Variants in SFMBT2 observed in about 807,000 individuals in gnomAD.
The protein encoded by SFMBT2 is scm-like with four MBT domains protein 2.
SFMBT2 carries 38 observed loss-of-function variants against 110.1 expected under a neutral mutation model. The ratio of observed to expected loss-of-function variants is 0.35; its 90% CI spans 0.27 to 0.45. SFMBT2 has a LOEUF of 0.45. Among genes scored for constraint, SFMBT2 ranks in the 20% least tolerant of loss-of-function variants. SFMBT2 has a pLI of 1.00. For missense variants in SFMBT2, 1,011 were observed against 1,094.9 expected (o/e 0.92, Z 1.08); for synonymous variants, 425 against 425.4 (o/e 1.00, Z 0.01).
At chr10:7,368,383 C>T (rs1844969322) in intron 3 of SFMBT2, 1 of 985,054 alleles carries the variant, frequency 1.0e-6, no homozygotes, top group Admixed American at 6.2e-5. Context: ...TTGATATCTA[C>T]CAGCCCTCAA....
chr10:7,266,492 C>A (rs1407996125), intron 7 of SFMBT2, among the ~76,000 whole-genome samples: 7 of 152,148 alleles, frequency 4.6e-5, no homozygotes, highest in Admixed American at 1.3e-4. Flanking sequence ...TATACAAAGG[C>A]CTTAGGCAGG....
At chr10:7,406,491 G>C (rs1846212390) in intron 1 of SFMBT2, among the ~76,000 whole-genome samples, 2 of 148,284 alleles carry the variant, frequency 1.3e-5, no homozygotes, top group South Asian at 4.2e-4. Flanking sequence ...AGCCACCTTA[G>C]CTAGAGTGGG....
At chr10:7,214,938 G>A (rs1185023915) in intron 11 of SFMBT2, among the ~76,000 whole-genome samples, 1 of 152,230 alleles carries the variant, frequency 6.6e-6, no homozygotes, top group African/African-American at 2.4e-5. Context: ...AACTGAAAGA[G>A]CTAAATAACT....
chr10:7,202,805 C>T (rs963735755), intron 12 of SFMBT2: 6 of 985,318 alleles, frequency 6.1e-6, no homozygotes, highest in Non-Finnish European at 7.2e-6. Context: ...AAAGAGTACA[C>T]CTGTTGTACC....
intron 16 of SFMBT2, among the ~76,000 whole-genome samples, chr10:7,181,600 G>A (rs1026622263): frequency 6.6e-6 from 1 of 152,144 alleles, no homozygotes; most frequent in African/African-American, 2.4e-5. Context: ...ATACCAAGCT[G>A]ACTCTACAGC....
intron 4 of SFMBT2, among the ~76,000 whole-genome samples, chr10:7,338,030 C>G (rs564059431): frequency 6.6e-6 from 1 of 152,350 alleles, no homozygotes; most frequent in African/African-American, 2.4e-5. Context: ...TCTCCACTAT[C>G]CATGCTAACC....
intron 4 of SFMBT2, among the ~76,000 whole-genome samples, chr10:7,363,364 T>C (rs1238268157): frequency 6.6e-6 from 1 of 152,110 alleles, no homozygotes; most frequent in Non-Finnish European, 1.5e-5. Flanking sequence ...CTTTTTTTTT[T>C]TTTAGATGGA....
At position 7,288,799 on chromosome 10, in the gene SFMBT2, G is replaced by A. The variant is rs540138366; in HGVS notation, c.437-2845C>T. 3.9e-5 allele frequency among the ~76,000 whole-genome samples: 6 copies of A among 152,146 alleles called. No homozygotes were observed. The East Asian group carries it at 9.7e-4, about 24-fold the overall frequency. On this transcript the variant is annotated intron_variant, in intron 4 of 20. Coordinates refer to ENST00000397167, the MANE Select transcript of SFMBT2 (RefSeq NM_001387889.1). ...CAATCCCAGCACTTTGGGAGGCCAA[G>A]GCGGGTGGATCACAAGGTCAGGAGT...
chr10:7,213,589 C>T (rs748515733), intron 11 of SFMBT2, among the ~76,000 whole-genome samples: 4 of 152,214 alleles, frequency 2.6e-5, no homozygotes, highest in East Asian at 1.9e-4. Context: ...AGAGCAGAGA[C>T]GGGTTCTGAC....
At chr10:7,346,165 C>T (rs574014220) in intron 4 of SFMBT2, among the ~76,000 whole-genome samples, 1 of 152,336 alleles carries the variant, frequency 6.6e-6, no homozygotes, top group African/African-American at 2.4e-5. Context: ...ATAATACACA[C>T]TGTATAATTT....
At chr10:7,200,340 A>G in intron 14 of SFMBT2, 74 bp downstream of exon 14, 1 of 1,189,314 alleles carries the variant, frequency 8.4e-7, no homozygotes, top group Non-Finnish European at 1.1e-6. Context: ...ATATCGACCT[A>G]GAAACCTATA....
At chr10:7,321,335 G>A (rs1016332469) in intron 4 of SFMBT2, among the ~76,000 whole-genome samples, 2 of 151,854 alleles carry the variant, frequency 1.3e-5, no homozygotes, top group African/African-American at 4.8e-5. Context: ...CTGAGTAGCT[G>A]GGACTACAGG....
chr10:7,277,843 G>C (rs1466875965), intron 6 of SFMBT2, among the ~76,000 whole-genome samples: 1 of 152,194 alleles, frequency 6.6e-6, no homozygotes, highest in Non-Finnish European at 1.5e-5. Flanking sequence ...ATTAAGCACA[G>C]TTAAAAAGCA....
intron 4 of SFMBT2, among the ~76,000 whole-genome samples, chr10:7,309,612 T>A (rs1424470801): frequency 3.3e-5 from 5 of 152,170 alleles, no homozygotes; most frequent in African/African-American, 1.2e-4. Context: ...CATCACAGCA[T>A]CAGGCCCTGA....
At chr10:7,198,634 G>C (rs1189035298) in intron 14 of SFMBT2, among the ~76,000 whole-genome samples, 1 of 152,230 alleles carries the variant, frequency 6.6e-6, no homozygotes, top group Admixed American at 6.5e-5. Context: ...TGCAGCTTAA[G>C]TGTGCATTAC....
rs145860586 is a variant in SFMBT2 at position 7,303,491 on chromosome 10, A to AAG, written c.437-17539_437-17538dup. On this transcript the variant is annotated intron_variant, in intron 4 of 20. Coordinates refer to ENST00000397167, the MANE Select transcript of SFMBT2 (RefSeq NM_001387889.1). ...AAAGATGGGGTAATCCGAGACTAAA[A>AAG]AGAGAGAGAGAGAGAGACAGAGAGA... Among the ~76,000 whole-genome samples, 89 of 151,388 alleles carry AAG rather than the reference A, an allele frequency of 5.9e-4. 1 individual carries two copies. The highest frequency in any genetic ancestry group is 1.2e-3 in the African/African-American group (51 of 41,366).
At position 7,209,142 on chromosome 10, in the gene SFMBT2, G is replaced by A. The variant is rs536502044; in HGVS notation, c.1331-3214C>T. 2.1e-4 allele frequency among the ~76,000 whole-genome samples: 32 copies of A among 152,288 alleles called. 1 individual carries two copies. In the South Asian group the frequency reaches 6.4e-3, roughly 31 times the overall value. ...GTCTACATTTATCTGGCTGGACTCAGACTAATTATTTTCCAAGACAGGAGA... is the reference window on the plus strand; with the variant it reads ...GTCTACATTTATCTGGCTGGACTCAAACTAATTATTTTCCAAGACAGGAGA... On this transcript the variant is annotated intron_variant, in intron 11 of 20. Coordinates refer to ENST00000397167, the MANE Select transcript of SFMBT2 (RefSeq NM_001387889.1).
chr10:7,252,714 T>C (rs1259790660), intron 7 of SFMBT2, among the ~76,000 whole-genome samples: 2 of 152,190 alleles, frequency 1.3e-5, no homozygotes, highest in Non-Finnish European at 2.9e-5. Context: ...TTGGCTCAGA[T>C]CTCCTACAAC....
At chr10:7,190,747 A>G (rs776474942) in intron 15 of SFMBT2, among the ~76,000 whole-genome samples, 2 of 152,244 alleles carry the variant, frequency 1.3e-5, no homozygotes, top group Non-Finnish European at 2.9e-5. Flanking sequence ...AGAGGGTAGC[A>G]GGGAGCCTGC....
Sources: gnomAD v4.1 joint callset for allele counts (sites outside exome capture counted in the v4.1 genomes callset) on GRCh38, gnomAD v4.1.1 for gene constraint, MANE v1.5 for transcripts, NCBI Gene and HGNC (gene_info 2026-07-23, HGNC 2026-07-21) for gene names.